LAMA3: variants seen among roughly 807,000 people sequenced by gnomAD.
LAMA3 encodes the protein laminin subunit alpha-3.
In LAMA3, 281 loss-of-function variants were observed where a neutral mutation model predicts 402.0. That is an observed-to-expected ratio of 0.70 (90% confidence interval 0.63 to 0.77). LAMA3 has a LOEUF of 0.77. LAMA3 is among the 30% of genes least tolerant of loss of function. The pLI, the probability that LAMA3 is intolerant of heterozygous loss-of-function variation, is 0.00. For synonymous variants in LAMA3, 1,431 were observed against 1,558.4 expected (o/e 0.92, Z 1.93); for missense variants, 3,840 against 4,215.5 (o/e 0.91, Z 2.47).
At chr18:23,841,396 C>A in intron 27 of LAMA3, among the ~76,000 whole-genome samples, 1 of 152,126 alleles carries the variant, frequency 6.6e-6, no homozygotes, top group East Asian at 1.9e-4. Context: ...TGGGCTCCAG[C>A]TTTTAGCCCT....
Position 23,689,903 on chromosome 18 carries a change from G to A in LAMA3, c.220G>A (p.Gly74Arg), listed in dbSNP as rs1490471520. Residue 74 changes from glycine (G) to arginine (R), a missense_variant, in exon 1 of 75, where the codon GGG (glycine) becomes AGG (arginine). By Grantham distance (125) the Gly-to-Arg change is moderately radical. Transcript: ENST00000313654. The stretch of plus-strand genomic sequence containing the variant: ...CTGCGGGGAGAGGGGACCCGGCGAG[G>A]GGAGGCCCCAGCCCGAGCTCTACTG... ...ATCGERGPGEGRPQPELYCKL... is the reference protein window; with the variant it reads ...ATCGERGPGERRPQPELYCKL... The A allele has an allele frequency of 2.6e-6, 4 of 1,536,218 alleles. No homozygotes were observed. The highest frequency in any genetic ancestry group is 3.5e-6 in the Non-Finnish European group (4 of 1,141,476).
At chr18:23,898,467 C>G (rs769289310) in intron 44 of LAMA3, 60 of 471,886 alleles carry the variant, frequency 1.3e-4, no homozygotes, top group Non-Finnish European at 2.0e-4. Flanking sequence ...TAGTATCACC[C>G]TCATTTCTAT....
At chr18:23,907,494 A>G (rs2081286974) in intron 52 of LAMA3, 56 bp from the exon 53 acceptor site, 2 of 1,251,312 alleles carry the variant, frequency 1.6e-6, no homozygotes, top group Non-Finnish European at 2.3e-6. Context: ...CACAAATACC[A>G]ATGGAGGATC....
At chr18:23,737,069 G>T (rs1398262430) in intron 2 of LAMA3, among the ~76,000 whole-genome samples, 1 of 149,868 alleles carries the variant, frequency 6.7e-6, no homozygotes, top group Non-Finnish European at 1.5e-5. Context: ...AGGATATGTT[G>T]CCCCCAGGCT....
chr18:23,751,841 C>T (rs2061757628), intron 5 of LAMA3, among the ~76,000 whole-genome samples: 1 of 152,150 alleles, frequency 6.6e-6, no homozygotes, highest in African/African-American at 2.4e-5. Context: ...CACTCTTCTT[C>T]CACCCTCTGA....
At chr18:23,777,979 G>A (rs2062359578) in intron 11 of LAMA3, among the ~76,000 whole-genome samples, 1 of 152,354 alleles carries the variant, frequency 6.6e-6, no homozygotes, top group South Asian at 2.1e-4. Flanking sequence ...TCCCAGGAAG[G>A]GAGAGAGTCA....
chr18:23,725,179 G>A (rs2061277358), intron 2 of LAMA3, among the ~76,000 whole-genome samples: 1 of 151,108 alleles, frequency 6.6e-6, no homozygotes, highest in Non-Finnish European at 1.5e-5. Context: ...GCACGATCTC[G>A]GTTCACTGCA....
At chr18:23,874,994 G>C (rs2064658237) in intron 38 of LAMA3, among the ~76,000 whole-genome samples, 1 of 152,168 alleles carries the variant, frequency 6.6e-6, no homozygotes, top group Non-Finnish European at 1.5e-5. Context: ...CTCCCGAGTA[G>C]CTGGGACTAT....
rs757547990 is a variant in LAMA3, at chr18:23,904,643, G to A, written c.6564G>A (p.Ala2188=). The change falls in exon 51 of 75, where the codon GCG becomes GCA. Residue 2188 remains alanine, a synonymous_variant. Transcript: ENST00000313654. ...AYENILNAIK[A]AEDAANRAAS... ...AGAACATCCTCAATGCCATCAAAGC[G>A]GCCGAGGACGCAGCCAACAGGGCTG... 2.7e-5 allele frequency: 44 copies of A among 1,613,872 alleles called. No homozygotes were observed. The Admixed American group carries it at 4.3e-4, about 16-fold the overall frequency.
In LAMA3 at chr18:23,842,422, C is replaced by T; in HGVS notation, c.3364C>T (p.Pro1122Ser). 2 of 1,614,108 alleles carry T rather than the reference C, an allele frequency of 1.2e-6. No individual in the cohort carries two copies. The highest frequency in any genetic ancestry group is 1.7e-6 in the Non-Finnish European group (2 of 1,180,022). ...TCAAGTGACCCTGAGAGGACGTGTA[C>T]CACACCTGGGCCGATACGTCTTTGT... Reference protein sequence around the residue: ...QNQVTLRGRVPHLGRYVFVIH... With the variant: ...QNQVTLRGRVSHLGRYVFVIH... Residue 1122 changes from proline to serine, a missense_variant, in exon 28 of 75, where the codon CCA (proline) becomes TCA (serine). This residue lies in a region of LAMA3 where 2,109 missense variants were observed against 2,376.0 expected (regional missense o/e 0.89). Coordinates refer to ENST00000313654, the MANE Select transcript of LAMA3 (RefSeq NM_198129.4).
chr18:23,917,047 G>A (rs2081653279), intron 60 of LAMA3, among the ~76,000 whole-genome samples: 1 of 151,808 alleles, frequency 6.6e-6, no homozygotes, highest in Admixed American at 6.6e-5. Flanking sequence ...TAGGCCCCAG[G>A]GTCTGTTGTT....
At chr18:23,742,921 C>T (rs1334898210) in intron 2 of LAMA3, among the ~76,000 whole-genome samples, 2 of 152,104 alleles carry the variant, frequency 1.3e-5, no homozygotes, top group Non-Finnish European at 2.9e-5. Context: ...ACAGGGAGTA[C>T]TATTTAGTTG....
At chr18:23,772,652 C>T (rs1244593197) in intron 8 of LAMA3, among the ~76,000 whole-genome samples, 1 of 152,200 alleles carries the variant, frequency 6.6e-6, no homozygotes, top group African/African-American at 2.4e-5. Context: ...ATAAAATTAT[C>T]TAAAACAGGA....
intron 20 of LAMA3, 69 bp from the exon 21 acceptor site, chr18:23,824,354 C>A: frequency 6.6e-7 from 1 of 1,525,092 alleles, no homozygotes; most frequent in Non-Finnish European, 9.1e-7. Context: ...ATGTTCAAAA[C>A]TGAATATCTA....
At chr18:23,840,303 A>G (rs562206316) in intron 27 of LAMA3, among the ~76,000 whole-genome samples, 1 of 150,856 alleles carries the variant, frequency 6.6e-6, no homozygotes, top group Middle Eastern at 3.5e-3. Flanking sequence ...GCTGTTTAAT[A>G]TAGTTGTTTA....
chr18:23,931,406 C>T, intron 65 of LAMA3: 2 of 568,752 alleles, frequency 3.5e-6, no homozygotes, highest in Non-Finnish European at 6.2e-6. Flanking sequence ...TCTGTAATCC[C>T]AACAACTAAG....
At chr18:23,705,046 C>T (rs972994590) in intron 1 of LAMA3, among the ~76,000 whole-genome samples, 1 of 152,166 alleles carries the variant, frequency 6.6e-6, no homozygotes, top group African/African-American at 2.4e-5. Flanking sequence ...CCTTCCATTA[C>T]ATTTTCTGTT....
intron 12 of LAMA3, among the ~76,000 whole-genome samples, chr18:23,806,133 T>C (rs913755426): frequency 6.6e-6 from 1 of 152,146 alleles, no homozygotes; most frequent in African/African-American, 2.4e-5. Context: ...TCAACTCCAT[T>C]GTCCATTATG....
intron 11 of LAMA3, among the ~76,000 whole-genome samples, chr18:23,783,591 T>C (rs553513307): frequency 4.7e-4 from 71 of 152,134 alleles, no homozygotes; most frequent in Non-Finnish European, 7.9e-4. Flanking sequence ...AGTGAGATGA[T>C]CCAAGGGAAG....
Sources: allele counts gnomAD v4.1 joint callset (sites outside exome capture counted in the v4.1 genomes callset), GRCh38; gene constraint gnomAD v4.1.1; regional missense constraint gnomAD v4.1.1; transcripts MANE v1.5; gene names NCBI Gene and HGNC (gene_info 2026-07-23, HGNC 2026-07-21).